PLEKHA6: variants seen among roughly 807,000 people sequenced by gnomAD.
The protein encoded by PLEKHA6 is pleckstrin homology domain containing A6.
A neutral mutation model predicts 116.7 loss-of-function variants in PLEKHA6; 60 were observed. The ratio of observed to expected loss-of-function variants is 0.51; its 90% CI spans 0.42 to 0.64. The LOEUF (loss-of-function observed/expected upper bound fraction) is 0.64, where lower values mean the gene tolerates loss of function less well. Ranked by LOEUF, PLEKHA6 falls within the 30% of genes least tolerant of loss-of-function variation. The pLI is 0.00. For missense variants in PLEKHA6, 1,338 were observed against 1,422.7 expected (o/e 0.94, Z 0.96); for synonymous variants, 489 against 556.1 (o/e 0.88, Z 1.70).
intron 1 of PLEKHA6, among the ~76,000 whole-genome samples, chr1:204,285,829 G>A (rs1296288574): frequency 2.1e-4 from 32 of 152,336 alleles, no homozygotes; most frequent in Non-Finnish European, 1.6e-4. Context: ...GTTGGAGAAG[G>A]AAGAAGAGTT....
chr1:204,228,690 G>A lies in PLEKHA6; in HGVS notation c.2885+38C>T. On this transcript the variant is annotated intron_variant, in intron 20 of 22. Coordinates refer to ENST00000272203, the MANE Select transcript of PLEKHA6 (RefSeq NM_014935.5). This position sits in a 1 kb window ranked among gnomAD's most constrained non-coding sequence, Gnocchi z 4.0. ...TGGCCCAGGTGTCCTAGGTGCCAGG[G>A]TGAGCAGAGGAAGTAGAGGCTCACC... 4 of 1,607,800 alleles carry A rather than the reference G, an allele frequency of 2.5e-6. No homozygotes were observed. The highest frequency in any genetic ancestry group is 3.4e-6 in the Non-Finnish European group (4 of 1,174,374).
At chr1:204,370,961 C>T (rs762101961) in intron 2 of PLEKHA6, among the ~76,000 whole-genome samples, 52 of 148,918 alleles carry the variant, frequency 3.5e-4, no homozygotes, top group Non-Finnish European at 6.8e-4. Context: ...GGCTGAGGCA[C>T]GAGAATCTCT....
chr1:204,295,426 G>A (rs191477910), intron 1 of PLEKHA6, among the ~76,000 whole-genome samples: 116 of 150,872 alleles, frequency 7.7e-4, no homozygotes, highest in African/African-American at 2.6e-3. Flanking sequence ...GGAGGCGGAG[G>A]TTGCAGTGAG....
intron 1 of PLEKHA6, among the ~76,000 whole-genome samples, chr1:204,345,684 G>A (rs1000567084): frequency 6.6e-6 from 1 of 151,924 alleles, no homozygotes; most frequent in Non-Finnish European, 1.5e-5. Context: ...GCATTTCCCT[G>A]AAAGAACAGC....
At chr1:204,354,377 G>A (rs139703827) in intron 1 of PLEKHA6, among the ~76,000 whole-genome samples, 1 of 152,308 alleles carries the variant, frequency 6.6e-6, no homozygotes, top group African/African-American at 2.4e-5. Context: ...GAGACTAAGT[G>A]GGTGACCTGG....
At chr1:204,267,863 C>A (rs779211972) in intron 4 of PLEKHA6, among the ~76,000 whole-genome samples, 10 of 152,076 alleles carry the variant, frequency 6.6e-5, no homozygotes, top group Non-Finnish European at 1.3e-4. Context: ...AATCGGTGGA[C>A]CCTAGACTAG....
At chr1:204,272,343 C>T (rs1667549823) in intron 3 of PLEKHA6, among the ~76,000 whole-genome samples, 2 of 152,148 alleles carry the variant, frequency 1.3e-5, no homozygotes, top group South Asian at 2.1e-4. Context: ...TACTGGCTGT[C>T]CTCTTTCTCC....
chr1:204,286,703 C>T (rs56030285), intron 1 of PLEKHA6, among the ~76,000 whole-genome samples: 1 of 152,078 alleles, frequency 6.6e-6, no homozygotes, highest in Non-Finnish European at 1.5e-5. Flanking sequence ...CCCATGAAGC[C>T]CCCCTGCCCT....
chr1:204,230,492 G>A lies in PLEKHA6; in HGVS notation c.2504C>T (p.Ser835Phe). Reference protein sequence around the residue: ...IDRMRRHQSGSMREKRRSLQL... With the variant: ...IDRMRRHQSGFMREKRRSLQL... ...CAGGCTCCTCCGCTTCTCCCTCATG[G>A]AGCCACTCTGGTGCCGCCGCATTCG... is the stretch of plus-strand genomic sequence containing the variant. The change falls in exon 18 of 23, where the codon TCC (serine) becomes TTC (phenylalanine). Residue 835 changes from serine (S) to phenylalanine (F), a missense_variant. Around this residue, in one of 3 missense-constraint regions of PLEKHA6, gnomAD observed 1,136 missense variants for 1,163.6 expected, o/e 0.98. Coordinates refer to ENST00000272203, the MANE Select transcript of PLEKHA6 (RefSeq NM_014935.5). 1 of 1,585,792 alleles carries A rather than the reference G, an allele frequency of 6.3e-7. No homozygotes were observed. The highest frequency in any genetic ancestry group is 8.6e-7 in the Non-Finnish European group (1 of 1,165,882).
Position 204,228,411 on chromosome 1 carries a change from A to G in PLEKHA6, c.2886-183T>C, listed in dbSNP as rs892792637. ...TGGCAAAACACAGGTTGGGACCCCT[A>G]CCTTCAATGTTCTCAAATGAATTAA... is the stretch of plus-strand genomic sequence containing the variant. On this transcript the variant is annotated intron_variant, in intron 20 of 22. Transcript: ENST00000272203. This position sits in a 1 kb window ranked among gnomAD's most constrained non-coding sequence, Gnocchi z 4.0. Among the ~76,000 whole-genome samples the G allele has an allele frequency of 2.6e-5, 4 of 152,124 alleles. No individual in the cohort carries two copies. Among genetic ancestry groups the G allele is most frequent in the African/African-American group, 9.7e-5 (4 of 41,410 alleles).
At chr1:204,368,323 C>G (rs920704498) in intron 2 of PLEKHA6, 5 of 152,200 alleles carry the variant, frequency 3.3e-5, no homozygotes, top group Admixed American at 6.5e-5. Context: ...CCGAGTAAGA[C>G]TCAAGTCTCC....
At chr1:204,350,061 T>A (rs1168471457) in intron 1 of PLEKHA6, among the ~76,000 whole-genome samples, 3 of 152,090 alleles carry the variant, frequency 2.0e-5, no homozygotes, top group Admixed American at 2.0e-4. Context: ...GTGGTTCATG[T>A]CTGTAATCCC....
At chr1:204,262,936 G>A (rs1450795028) in intron 6 of PLEKHA6, among the ~76,000 whole-genome samples, 6 of 149,340 alleles carry the variant, frequency 4.0e-5, no homozygotes, top group African/African-American at 1.5e-4. Context: ...CAGGGTTATT[G>A]TAGAGCGGAG....
chr1:204,272,996 TG>T (rs1389926637), intron 3 of PLEKHA6, among the ~76,000 whole-genome samples: 1 of 152,214 alleles, frequency 6.6e-6, no homozygotes, highest in African/African-American at 2.4e-5. Flanking sequence ...GCCTGCCTTC[TG>T]CTCTTCTCAC....
chr1:204,322,540 G>T (rs981165904), intron 1 of PLEKHA6, among the ~76,000 whole-genome samples: 41 of 152,248 alleles, frequency 2.7e-4, no homozygotes, highest in African/African-American at 9.6e-4. Context: ...TGCCATTAGT[G>T]GACAATAGAA....
intron 16 of PLEKHA6, 68 bp from the exon 17 acceptor site, chr1:204,241,549 G>T: frequency 7.1e-7 from 1 of 1,406,178 alleles, no homozygotes; most frequent in Non-Finnish European, 9.7e-7. Flanking sequence ...CCTTCTCAGA[G>T]ACAATCTCAG....
rs1659784068 is a variant in PLEKHA6 at position 204,222,764 on chromosome 1, T to C, written c.*24A>G. 6.5e-6 allele frequency: 1 copy of C among 152,844 alleles called. No homozygotes were observed. The highest frequency in any genetic ancestry group is 2.1e-4 in the South Asian group (1 of 4,828). The allele number at this position is 152,844 out of a possible 1,614,324, so 9.5% of individuals were successfully genotyped here. ...TCTGTGGAGCTTCACAGCATTGGCCTCAGCCAGGGCTTGCACTGGAGAAAA... is the reference window on the plus strand; with the variant it reads ...TCTGTGGAGCTTCACAGCATTGGCCCCAGCCAGGGCTTGCACTGGAGAAAA... On this transcript the variant is annotated 3_prime_UTR_variant, in exon 23 of 23. Coordinates refer to ENST00000272203, the MANE Select transcript of PLEKHA6 (RefSeq NM_014935.5).
chr1:204,346,840 A>G (rs972862313), intron 1 of PLEKHA6: 10 of 1,351,202 alleles, frequency 7.4e-6, no homozygotes, highest in Middle Eastern at 2.0e-4. Flanking sequence ...GGTTCTCACA[A>G]AGTGTGCTTC....
intron 13 of PLEKHA6, among the ~76,000 whole-genome samples, chr1:204,246,404 G>A (rs572942589): frequency 2.1e-4 from 32 of 152,246 alleles, no homozygotes; most frequent in South Asian, 8.3e-4. Flanking sequence ...CGAAGTTAGC[G>A]CCCTTGACCA....
Sources: allele counts gnomAD v4.1 joint callset (sites outside exome capture counted in the v4.1 genomes callset), GRCh38; gene constraint gnomAD v4.1.1; regional missense constraint gnomAD v4.1.1; non-coding constraint Gnocchi (gnomAD v3.1); transcripts MANE v1.5; gene names NCBI Gene and HGNC (gene_info 2026-07-23, HGNC 2026-07-21).